EXTL3: variants seen among roughly 807,000 people sequenced by gnomAD.
EXTL3 encodes exostosin like glycosyltransferase 3, also known as exostosin-like 3.
Under a neutral mutation model 69.3 loss-of-function variants are expected in EXTL3, and 27 were observed. The ratio of observed to expected loss-of-function variants is 0.39; its 90% confidence interval spans 0.29 to 0.54. EXTL3 has a LOEUF of 0.54. Ranked by LOEUF, EXTL3 falls within the 20% of genes least tolerant of loss-of-function variation. The pLI is 0.69. For synonymous variants in EXTL3, 511 were observed against 499.4 expected (o/e 1.02, Z -0.31); for missense variants, 1,003 against 1,231.8 (o/e 0.81, Z 2.78).
upstream of EXTL3, chr8:28,699,871 A>G (rs1178565835): frequency 2.6e-5 from 4 of 152,130 alleles, no homozygotes; most frequent in African/African-American, 9.7e-5. Context: ...AGTTACTCCA[A>G]CGTAAAAGAC....
chr8:28,729,418 A>G (rs1801485675), intron 3 of EXTL3, among the ~76,000 whole-genome samples: 1 of 149,910 alleles, frequency 6.7e-6, no homozygotes, highest in Non-Finnish European at 1.5e-5. Flanking sequence ...AAGATGGTGA[A>G]ACCCCGTCTC....
Position 28,716,069 on chromosome 8 carries a change from TATACC to T in EXTL3, c.13_17del (p.Thr5AlafsTer50). 6.2e-7 allele frequency: 1 copy of T among 1,607,432 alleles called. No homozygotes were observed. Among genetic ancestry groups the T allele is most frequent in the Non-Finnish European group, 8.5e-7 (1 of 1,179,758 alleles). On this transcript the variant is annotated frameshift_variant, in exon 3 of 7. Coordinates refer to ENST00000220562, the MANE Select transcript of EXTL3 (RefSeq NM_001440.4). LOFTEE classifies it high-confidence loss of function. The surrounding 1 kb of genome is among the most constrained non-coding windows in gnomAD (Gnocchi z 7.1). ...AGGCTGCAGAGGACTCATGACAGGC[TATACC>T]ATGCTGCGGAATGGGGGCGCGGGGA...
At chr8:28,613,806 A>G (rs1269313190) in intron 2 of EXTL3, among the ~76,000 whole-genome samples, 2 of 151,304 alleles carry the variant, frequency 1.3e-5, no homozygotes, top group Admixed American at 1.3e-4. Context: ...ATCAGTAGTG[A>G]TGGCCTCTCT....
chr8:28,675,448 C>G (rs1223426004), intron 1 of EXTL3, among the ~76,000 whole-genome samples: 1 of 152,114 alleles, frequency 6.6e-6, no homozygotes, highest in African/African-American at 2.4e-5. Context: ...TCATAAATAC[C>G]CCTAAGGAAA....
At chr8:28,686,110 C>G (rs2130668608) in intron 1 of EXTL3, 1 of 152,264 alleles carries the variant, frequency 6.6e-6, no homozygotes, top group East Asian at 1.9e-4. Flanking sequence ...AAGTGATTTG[C>G]TTGCCTTGGC....
chr8:28,755,944 C>T (rs1327500891), downstream of EXTL3, among the ~76,000 whole-genome samples: 2 of 152,158 alleles, frequency 1.3e-5, no homozygotes, highest in Admixed American at 6.5e-5. Context: ...ACCCATGCCC[C>T]GTCCCTTCAC....
intron 4 of EXTL3, among the ~76,000 whole-genome samples, chr8:28,736,223 G>A (rs1056310526): frequency 6.6e-6 from 1 of 152,198 alleles, no homozygotes; most frequent in African/African-American, 2.4e-5. Context: ...CTGTTACATT[G>A]TGATAGAAGT....
At chr8:28,718,293 T>C in intron 3 of EXTL3, 86 bp downstream of exon 3, 1 of 1,330,438 alleles carries the variant, frequency 7.5e-7, no homozygotes, top group Non-Finnish European at 1.1e-6. Flanking sequence ...ACTTTAGCAA[T>C]CGTAACTTCT....
chr8:28,748,957 A>T (rs1489579011), intron 6 of EXTL3, among the ~76,000 whole-genome samples: 1 of 152,228 alleles, frequency 6.6e-6, no homozygotes, highest in African/African-American at 2.4e-5. Flanking sequence ...ACAAAAAAGA[A>T]AACTAGACCC....
intron 1 of EXTL3, among the ~76,000 whole-genome samples, chr8:28,639,712 C>T (rs1585225997): frequency 6.6e-6 from 1 of 152,188 alleles, no homozygotes; most frequent in Non-Finnish European, 1.5e-5. Context: ...ATAACTTCAC[C>T]GAGGACAGCC....
intron 1 of EXTL3, among the ~76,000 whole-genome samples, chr8:28,710,136 T>C (rs1801004026): frequency 6.6e-6 from 1 of 152,204 alleles, no homozygotes; most frequent in South Asian, 2.1e-4. Flanking sequence ...GAGAAGACAC[T>C]GTCATGATCC....
chr8:28,716,758 C>T lies in EXTL3; in HGVS notation c.699C>T (p.Asp233=), dbSNP rs1301856873. The T allele has an allele frequency of 6.2e-7, 1 of 1,614,256 alleles. No individual in the cohort carries two copies. The highest frequency in any genetic ancestry group is 8.5e-7 in the Non-Finnish European group (1 of 1,180,052). The part of the protein sequence containing the change: ...RANVYVTENA[D]IACLYVILVG... The stretch of plus-strand genomic sequence containing the variant: ...ACGTTTATGTTACAGAAAATGCAGA[C>T]ATCGCCTGCCTTTACGTGATACTAG... Residue 233 remains aspartate (D), a synonymous_variant, in exon 3 of 7, where the codon GAC becomes GAT. Transcript: ENST00000220562. This position sits in a 1 kb window ranked among gnomAD's most constrained non-coding sequence, Gnocchi z 7.1.
intron 2 of EXTL3, among the ~76,000 whole-genome samples, chr8:28,609,422 C>T (rs980730635): frequency 2.0e-5 from 3 of 149,956 alleles, no homozygotes; most frequent in Non-Finnish European, 3.0e-5. Context: ...ATTCCACAAG[C>T]GATAAAGAAG....
At chr8:28,632,062 C>T (rs866495803) in intron 1 of EXTL3, among the ~76,000 whole-genome samples, 6 of 150,484 alleles carry the variant, frequency 4.0e-5, no homozygotes, top group East Asian at 2.0e-4. Context: ...CGCTGCACTC[C>T]GGCCTGGCGA....
intron 2 of EXTL3, among the ~76,000 whole-genome samples, chr8:28,614,029 G>A (rs145544699): frequency 2.0e-5 from 3 of 151,592 alleles, no homozygotes; most frequent in Non-Finnish European, 2.9e-5. Context: ...CTCATGAAAC[G>A]TCATGAGCCC....
intron 1 of EXTL3, among the ~76,000 whole-genome samples, chr8:28,655,954 G>T (rs1478922475): frequency 6.6e-6 from 1 of 152,132 alleles, no homozygotes; most frequent in Admixed American, 6.6e-5. Flanking sequence ...TATTGGCTTA[G>T]AAATAATAGG....
At chr8:28,663,636 G>A (rs1249813210) in intron 1 of EXTL3, among the ~76,000 whole-genome samples, 1 of 152,190 alleles carries the variant, frequency 6.6e-6, no homozygotes, top group East Asian at 1.9e-4. Flanking sequence ...ATTTTTAGTA[G>A]AGACGAGGTT....
In EXTL3 at chr8:28,716,964, C is replaced by A. The variant is rs1801164691; in HGVS notation, c.905C>A (p.Thr302Asn). The change falls in exon 3 of 7, where the codon ACC (threonine) becomes AAC (asparagine). Residue 302 changes from threonine to asparagine, a missense_variant. By Grantham distance (65) the Thr-to-Asn change is moderately conservative (BLOSUM62 0). Around this residue, in one of 2 missense-constraint regions of EXTL3, gnomAD observed 742 missense variants for 815.4 expected, o/e 0.91. Transcript: ENST00000220562. This position sits in a 1 kb window ranked among gnomAD's most constrained non-coding sequence, Gnocchi z 7.1. ...GGCCGTGCCATGGTGGCCCAGTCCA[C>A]CTTCTACACTGTCCAGTACAGACCT... is the stretch of plus-strand genomic sequence containing the variant. ...STGRAMVAQS[T>N]FYTVQYRPGF... 6 of 1,614,224 alleles carry A rather than the reference C, an allele frequency of 3.7e-6. No individual in the cohort carries two copies. The highest frequency in any genetic ancestry group is 5.1e-6 in the Non-Finnish European group (6 of 1,180,050).
At chr8:28,702,162 C>T (rs1800819504) in intron 1 of EXTL3, among the ~76,000 whole-genome samples, 1 of 152,164 alleles carries the variant, frequency 6.6e-6, no homozygotes, top group South Asian at 2.1e-4. Context: ...CCCACATCTG[C>T]CCCCCGCTTC....
Sources: allele counts gnomAD v4.1 joint callset (sites outside exome capture counted in the v4.1 genomes callset), GRCh38; gene constraint gnomAD v4.1.1; regional missense constraint gnomAD v4.1.1; non-coding constraint Gnocchi (gnomAD v3.1); transcripts MANE v1.5; gene names NCBI Gene and HGNC (gene_info 2026-07-23, HGNC 2026-07-21).